AR: variants seen among roughly 807,000 people sequenced by gnomAD.
AR encodes the protein dihydrotestosterone receptor.
Under a neutral mutation model 53.9 loss-of-function variants are expected in AR, and 8 were observed. That is an observed-to-expected ratio of 0.15 (90% CI 0.09 to 0.27). The LOEUF is 0.27. Ranked by LOEUF, AR falls within the 10% of genes least tolerant of loss-of-function variation. The pLI is 1.00. For synonymous variants in AR, 359 were observed against 316.4 expected (o/e 1.13, Z -1.43); for missense variants, 639 against 742.5 (o/e 0.86, Z 1.62).
intron 1 of AR, among the ~76,000 whole-genome samples, chrX:67,609,467 A>G (rs1026691377): frequency 3.6e-5 from 4 of 111,304 alleles, no homozygotes; most frequent in Admixed American, 1.9e-4. Flanking sequence ...TGCTTGATTG[A>G]CTTTGCATTT....
chrX:67,611,514 C>G (rs1191333404), intron 1 of AR, among the ~76,000 whole-genome samples: 1 of 111,406 alleles, frequency 9.0e-6, no homozygotes, highest in Non-Finnish European at 1.9e-5. Context: ...TCCAATTTAT[C>G]TTTAAAATTT....
chrX:67,645,204 T>C (rs141245457), intron 2 of AR, among the ~76,000 whole-genome samples: 2 of 112,255 alleles, frequency 1.8e-5, no homozygotes, highest in Non-Finnish European at 3.8e-5. Flanking sequence ...GATTAGATTA[T>C]ACTTGATGCT....
chrX:67,677,123 G>C (rs1015534054), intron 2 of AR, among the ~76,000 whole-genome samples: 3 of 110,490 alleles, frequency 2.7e-5, no homozygotes, highest in Admixed American at 1.9e-4. Context: ...GACTGAAGGC[G>C]AACCAGGATT....
At chrX:67,601,753 T>C (rs1221867925) in intron 1 of AR, among the ~76,000 whole-genome samples, 1 of 112,244 alleles carries the variant, frequency 8.9e-6, no homozygotes, top group Non-Finnish European at 1.9e-5. Context: ...GGTTCACCTT[T>C]TACCCATAAG....
intron 3 of AR, among the ~76,000 whole-genome samples, chrX:67,706,937 T>A (rs1197574480): frequency 1.8e-5 from 2 of 112,191 alleles, no homozygotes; most frequent in African/African-American, 3.2e-5. Flanking sequence ...GGTTGTTCAG[T>A]TTCCATGTAG....
At chrX:67,686,159 C>G in intron 3 of AR, 33 bp downstream of exon 3, 4 of 1,150,114 alleles carry the variant, frequency 3.5e-6, no homozygotes, top group Non-Finnish European at 4.7e-6. Context: ...CCTCCTCCTT[C>G]CTCTCTCCCC....
At chrX:67,547,318 G>A (rs976690795) in intron 1 of AR, among the ~76,000 whole-genome samples, 2 of 111,842 alleles carry the variant, frequency 1.8e-5, no homozygotes, top group Non-Finnish European at 3.8e-5. Flanking sequence ...TCTGCTGTGT[G>A]AAAGGGTGAA....
At chrX:67,721,700 C>A in intron 5 of AR, 133 bp from the exon 6 acceptor site, 1 of 891,967 alleles carries the variant, frequency 1.1e-6, no homozygotes, top group Non-Finnish European at 1.6e-6. Context: ...TTTCCTGGTC[C>A]CTGGAGCACC....
intron 3 of AR, among the ~76,000 whole-genome samples, chrX:67,710,137 G>A (rs1273641214): frequency 9.1e-6 from 1 of 109,716 alleles, no homozygotes; most frequent in African/African-American, 3.3e-5. Context: ...GAGAAGGAGA[G>A]ACTAAAATCC....
In AR at chrX:67,727,808, G is replaced by T. The variant is rs1054753601; in HGVS notation, c.*3967G>T. 1 of 172,471 alleles carries T rather than the reference G, an allele frequency of 5.8e-6. No individual in the cohort carries two copies. The highest frequency in any genetic ancestry group is 3.0e-5 in the African/African-American group (1 of 33,796). The allele number at this position is 172,471 out of a possible 1,213,427, so 14.2% of individuals were successfully genotyped here. On this transcript the variant is annotated 3_prime_UTR_variant, in exon 8 of 8. Coordinates refer to ENST00000374690, the MANE Select transcript of AR (RefSeq NM_000044.6). ...TGAGAGGGCACTGGGCCAAGGGAGT[G>T]GTTTTCATGTTTGACCCACTACAAG...
At chrX:67,598,522 G>T (rs1410608640) in intron 1 of AR, among the ~76,000 whole-genome samples, 1 of 110,753 alleles carries the variant, frequency 9.0e-6, no homozygotes, top group Non-Finnish European at 1.9e-5. Flanking sequence ...CTCATGATCT[G>T]CCCGCCTTGG....
rs759237972 is a variant in AR at position 67,630,058 on chromosome X, C to G, written c.1617-13198C>G. Among the ~76,000 whole-genome samples the G allele has an allele frequency of 3.7e-3, 407 of 110,597 alleles. 1 individual carries two copies. Among genetic ancestry groups the G allele is most frequent in the African/African-American group, 0.013 (386 of 30,481 alleles). ...TTGCTGAGGAGAGCTTTACTTCCAA[C>G]TATGTGGTCAATTTTGGAATAGGTG... On this transcript the variant is annotated intron_variant, in intron 1 of 7. Coordinates refer to ENST00000374690, the MANE Select transcript of AR (RefSeq NM_000044.6).
chrX:67,579,403 A>G (rs760984739), intron 1 of AR, among the ~76,000 whole-genome samples: 15 of 111,413 alleles, frequency 1.3e-4, no homozygotes, highest in Admixed American at 1.9e-4. Context: ...TAGACTTTCT[A>G]TTGAAGCAAT....
intron 2 of AR, 115 bp downstream of exon 2, chrX:67,643,522 G>A: frequency 9.7e-7 from 1 of 1,026,583 alleles, no homozygotes; most frequent in Non-Finnish European, 1.3e-6. Flanking sequence ...TCATTGGCAA[G>A]GCCCTATCAA....
chrX:67,641,582 G>A (rs1004354860), intron 1 of AR, among the ~76,000 whole-genome samples: 5 of 111,665 alleles, frequency 4.5e-5, no homozygotes, highest in African/African-American at 1.6e-4. Flanking sequence ...TGGAACTTAT[G>A]GCCTTGCTAG....
intron 2 of AR, among the ~76,000 whole-genome samples, chrX:67,650,668 A>G (rs1394108999): frequency 8.9e-6 from 1 of 112,459 alleles, no homozygotes; most frequent in African/African-American, 3.2e-5. Flanking sequence ...CTGTCTCTTC[A>G]TAGCTAGGCA....
In AR at chrX:67,545,879, G is replaced by C. The variant is rs1376205342; in HGVS notation, c.733G>C (p.Val245Leu). 3.3e-6 allele frequency: 4 copies of C among 1,210,689 alleles called. No individual in the cohort carries two copies. In the Middle Eastern group the frequency reaches 6.9e-4, roughly 208 times the overall value. ...CAAGGAGTTGTGTAAGGCAGTGTCG[G>C]TGTCCATGGGCCTGGGTGTGGAGGC... ...NAKELCKAVS[V>L]SMGLGVEALE... Residue 245 changes from valine (V) to leucine (L), a missense_variant, in exon 1 of 8, where the codon GTG becomes CTG. Around this residue, in one of 5 missense-constraint regions of AR, gnomAD observed 423 missense variants for 377.0 expected, o/e 1.12. Transcript: ENST00000374690.
intron 1 of AR, among the ~76,000 whole-genome samples, chrX:67,632,302 G>C (rs1013595772): frequency 9.5e-6 from 1 of 105,608 alleles, no homozygotes; most frequent in Non-Finnish European, 2.0e-5. Flanking sequence ...CTCCATGGGC[G>C]TAGGACCCTC....
At chrX:67,627,519 T>A (rs1924750091) in intron 1 of AR, among the ~76,000 whole-genome samples, 2 of 111,739 alleles carry the variant, frequency 1.8e-5, no homozygotes, top group African/African-American at 6.5e-5. Flanking sequence ...TCATTGTAGA[T>A]TCTGGATATT....
Sources: gnomAD v4.1 joint callset for allele counts (sites outside exome capture counted in the v4.1 genomes callset) on GRCh38, gnomAD v4.1.1 for gene constraint, gnomAD v4.1.1 regional missense constraint, MANE v1.5 for transcripts, NCBI Gene and HGNC (gene_info 2026-07-23, HGNC 2026-07-21) for gene names.